The following ACVR1 variants were observed in gnomAD, a reference collection of about 807,000 sequenced individuals.
The protein encoded by ACVR1 is activin A receptor type 1, also known as activin receptor type-1.
Under a neutral mutation model 57.1 loss-of-function variants are expected in ACVR1, and 38 were observed. The ratio of observed to expected loss-of-function variants is 0.67; its 90% CI spans 0.51 to 0.87. The LOEUF (loss-of-function observed/expected upper bound fraction) is 0.87. ACVR1 is among the 40% of genes least tolerant of loss of function. The pLI is 0.00. For synonymous variants in ACVR1, 212 were observed against 228.1 expected (o/e 0.93, Z 0.63); for missense variants, 463 against 638.2 (o/e 0.73, Z 2.96).
intron 5 of ACVR1, 40 bp downstream of exon 5, chr2:157,778,091 C>G: frequency 1.3e-6 from 2 of 1,599,374 alleles, no homozygotes; most frequent in Non-Finnish European, 1.7e-6. Flanking sequence ...CTCCAGACAC[C>G]TTCCTTATGC....
chr2:157,748,242 GTC>G (rs957836593), intron 9 of ACVR1, among the ~76,000 whole-genome samples: 8 of 152,116 alleles, frequency 5.3e-5, no homozygotes, highest in Non-Finnish European at 4.4e-5. Context: ...TGAATCCCAA[GTC>G]TCTGCTGAGC....
intron 1 of ACVR1, among the ~76,000 whole-genome samples, chr2:157,868,657 GGCCA>G (rs1456603656): frequency 6.6e-6 from 1 of 152,082 alleles, no homozygotes; most frequent in Admixed American, 6.5e-5. Context: ...CTCTTTCAGA[GGCCA>G]GCCAAACAGC....
chr2:157,780,691 A>G (rs1686483196), intron 3 of ACVR1, 91 bp from the exon 4 acceptor site: 1 of 1,455,212 alleles, frequency 6.9e-7, no homozygotes, highest in African/African-American at 1.4e-5. Context: ...CATTCCAAAC[A>G]CCTCTATCAA....
intron 2 of ACVR1, among the ~76,000 whole-genome samples, chr2:157,803,364 A>C (rs1280242153): frequency 6.6e-6 from 1 of 152,190 alleles, no homozygotes; most frequent in East Asian, 1.9e-4. Context: ...TCTTTGGGAA[A>C]AAAGTCAACT....
rs115787260 is a variant in ACVR1 at position 157,749,714 on chromosome 2, C to A, written c.1265-11144G>T. ...TGTCTACAGGCACGATCAGGGGGCT[C>A]TGAAAACAGGCCTGCCCCACTCACC... On this transcript the variant is annotated intron_variant, in intron 9 of 10. Coordinates refer to ENST00000434821, the MANE Select transcript of ACVR1 (RefSeq NM_001111067.4). Among the ~76,000 whole-genome samples the A allele has an allele frequency of 2.4e-3, 372 of 152,358 alleles. 2 individuals are homozygous for A. The highest frequency in any genetic ancestry group is 8.5e-3 in the African/African-American group (353 of 41,588).
intron 1 of ACVR1, among the ~76,000 whole-genome samples, chr2:157,824,631 T>C (rs981339948): frequency 2.6e-5 from 4 of 152,120 alleles, no homozygotes; most frequent in Non-Finnish European, 5.9e-5. Context: ...CAGACTAAAA[T>C]AGAATACCCC....
intron 1 of ACVR1, among the ~76,000 whole-genome samples, chr2:157,851,994 T>C (rs1559094160): frequency 1.3e-5 from 2 of 150,030 alleles, no homozygotes; most frequent in South Asian, 2.1e-4. Flanking sequence ...AAGATTATTA[T>C]GTTCTGAAGA....
Position 157,780,350 on chromosome 2 carries a change from C to G in ACVR1, c.318G>C (p.Gln106His), listed in dbSNP as rs376138658. The change falls in exon 4 of 11, where the codon CAG becomes CAC. Residue 106 changes from glutamine (Q) to histidine (H), a missense_variant. This residue lies in a region of ACVR1 where 203 missense variants were observed against 235.5 expected (regional missense o/e 0.86). Coordinates refer to ENST00000434821, the MANE Select transcript of ACVR1 (RefSeq NM_001111067.4). ...GTCCATGGGAACCTTTAGTGGGCAG[C>G]TGGGCCGTGATGTTCCTGTTACACC... is the stretch of plus-strand genomic sequence containing the variant. ...GDWCNRNITA[Q>H]LPTKGKSFPG... The G allele has an allele frequency of 5.6e-6, 9 of 1,614,226 alleles. No individual in the cohort carries two copies. In the Middle Eastern group the frequency reaches 8.2e-4, roughly 148 times the overall value.
chr2:157,790,053 C>CT (rs1018003433), intron 3 of ACVR1: 14 of 151,878 alleles, frequency 9.2e-5, no homozygotes, highest in South Asian at 4.2e-4. Flanking sequence ...AAGCCTGCTG[C>CT]TTTTTTTTTC....
intron 9 of ACVR1, among the ~76,000 whole-genome samples, chr2:157,744,837 G>C (rs1227051189): frequency 2.0e-5 from 3 of 152,244 alleles, no homozygotes; most frequent in Non-Finnish European, 4.4e-5. Flanking sequence ...GACAGCCCGA[G>C]TTCTGGCCGC....
intron 1 of ACVR1, among the ~76,000 whole-genome samples, chr2:157,873,527 A>C (rs1690181308): frequency 6.6e-6 from 1 of 152,256 alleles, no homozygotes; most frequent in Non-Finnish European, 1.5e-5. Context: ...CAAGATGCAG[A>C]GATCCAAGAG....
chr2:157,845,979 T>A (rs895706741), intron 1 of ACVR1, among the ~76,000 whole-genome samples: 1 of 152,170 alleles, frequency 6.6e-6, no homozygotes, highest in Non-Finnish European at 1.5e-5. Flanking sequence ...TGAAGAAAGA[T>A]CCTTGAAAAA....
At chr2:157,830,985 G>A (rs551513953) in intron 1 of ACVR1, among the ~76,000 whole-genome samples, 35 of 152,222 alleles carry the variant, frequency 2.3e-4, no homozygotes, top group African/African-American at 5.8e-4. Flanking sequence ...AAGTTGGAGT[G>A]GAGTGGCAGA....
chr2:157,799,371 C>A (rs1442462925), intron 3 of ACVR1, 56 bp downstream of exon 3: 33 of 1,107,990 alleles, frequency 3.0e-5, no homozygotes, highest in African/African-American at 6.1e-5. Flanking sequence ...TATAGTAAGC[C>A]AAAAAAAAAA....
intron 1 of ACVR1, among the ~76,000 whole-genome samples, chr2:157,847,567 T>C (rs1288133648): frequency 2.6e-5 from 4 of 152,214 alleles, no homozygotes; most frequent in Non-Finnish European, 4.4e-5. Flanking sequence ...CCCATCTGGG[T>C]GTCAGATGTG....
At chr2:157,853,961 G>A (rs781726230) in intron 1 of ACVR1, among the ~76,000 whole-genome samples, 72 of 152,178 alleles carry the variant, frequency 4.7e-4, no homozygotes, top group Non-Finnish European at 7.4e-4. Flanking sequence ...CCTAACGCAG[G>A]TTAAGTTTCC....
intron 1 of ACVR1, among the ~76,000 whole-genome samples, chr2:157,848,269 G>A (rs1689185437): frequency 6.6e-6 from 1 of 152,158 alleles, no homozygotes; most frequent in South Asian, 2.1e-4. Context: ...ACAGCTTCCA[G>A]AACCAGATCT....
intron 1 of ACVR1, among the ~76,000 whole-genome samples, chr2:157,861,096 C>G (rs1317486643): frequency 6.6e-6 from 1 of 152,222 alleles, no homozygotes; most frequent in Non-Finnish European, 1.5e-5. Flanking sequence ...TGAAGACACT[C>G]AAGAACATCA....
chr2:157,838,032 T>C (rs954125935), intron 1 of ACVR1, among the ~76,000 whole-genome samples: 18 of 152,300 alleles, frequency 1.2e-4, no homozygotes, highest in Admixed American at 9.8e-4. Context: ...CTCTCCATTT[T>C]CCTGTCAGTA....
Sources: gnomAD v4.1 joint callset for allele counts (sites outside exome capture counted in the v4.1 genomes callset) on GRCh38, gnomAD v4.1.1 for gene constraint, gnomAD v4.1.1 regional missense constraint, MANE v1.5 for transcripts, NCBI Gene and HGNC (gene_info 2026-07-23, HGNC 2026-07-21) for gene names.